PCSK2: variants seen among roughly 807,000 people sequenced by gnomAD.
PCSK2 encodes proprotein convertase subtilisin/kexin type 2.
In PCSK2, 14 loss-of-function variants were observed where a neutral mutation model predicts 69.7. That is an observed-to-expected ratio of 0.20 (90% CI 0.13 to 0.31). The LOEUF (loss-of-function observed/expected upper bound fraction) is 0.31. Ranked by LOEUF, PCSK2 falls within the 10% of genes least tolerant of loss-of-function variation. The pLI, the probability that PCSK2 is intolerant of heterozygous loss-of-function variation, is 1.00. For synonymous variants in PCSK2, 307 were observed against 320.7 expected (o/e 0.96, Z 0.46); for missense variants, 544 against 842.5 (o/e 0.65, Z 4.39).
chr20:17,240,598 A>G (rs1183645394), intron 1 of PCSK2, among the ~76,000 whole-genome samples: 3 of 152,202 alleles, frequency 2.0e-5, no homozygotes, highest in Non-Finnish European at 4.4e-5. Context: ...ATCATGTGCT[A>G]CACAGAGGAC....
chr20:17,400,367 G>T (rs73898503), intron 5 of PCSK2, among the ~76,000 whole-genome samples: 3,415 of 152,258 alleles, frequency 0.022, 136 homozygotes, highest in African/African-American at 0.078. Flanking sequence ...CTAAATCCCT[G>T]CTCTGCCCTT....
chr20:17,297,562 A>G (rs1023513481), intron 2 of PCSK2, among the ~76,000 whole-genome samples: 3 of 152,248 alleles, frequency 2.0e-5, no homozygotes, highest in African/African-American at 7.2e-5. Flanking sequence ...GGGGGTTGCC[A>G]TGGGTCTCTT....
intron 2 of PCSK2, among the ~76,000 whole-genome samples, chr20:17,342,807 T>C (rs1990544340): frequency 6.6e-6 from 1 of 151,956 alleles, no homozygotes; most frequent in Admixed American, 6.6e-5. Flanking sequence ...AATTGTTTTC[T>C]TTTTCTTTTC....
At chr20:17,245,383 GC>G (rs1282474875) in intron 1 of PCSK2, among the ~76,000 whole-genome samples, 3 of 152,186 alleles carry the variant, frequency 2.0e-5, no homozygotes, top group Admixed American at 6.5e-5. Flanking sequence ...GCCAAATGCA[GC>G]ATTCTTGTGG....
At chr20:17,439,823 G>T (rs1378244409) in intron 8 of PCSK2, among the ~76,000 whole-genome samples, 1 of 152,208 alleles carries the variant, frequency 6.6e-6, no homozygotes, top group African/African-American at 2.4e-5. Flanking sequence ...CTAACCCCCA[G>T]ACTTGCTTTG....
chr20:17,234,622 AC>A (rs1307300366), intron 1 of PCSK2, among the ~76,000 whole-genome samples: 3 of 152,216 alleles, frequency 2.0e-5, no homozygotes, highest in Non-Finnish European at 4.4e-5. Context: ...TGCAGTTACA[AC>A]CTGATCAAAA....
intron 6 of PCSK2, among the ~76,000 whole-genome samples, chr20:17,421,941 T>C (rs984813532): frequency 1.3e-5 from 2 of 151,904 alleles, no homozygotes; most frequent in African/African-American, 4.8e-5. Flanking sequence ...TATTAATTTG[T>C]ACTATATGAA....
At chr20:17,437,977 C>G (rs925344287) in intron 8 of PCSK2, among the ~76,000 whole-genome samples, 7 of 131,612 alleles carry the variant, frequency 5.3e-5, no homozygotes, top group Admixed American at 1.5e-4. Flanking sequence ...GGCTGCCAGG[C>G]CAGCAGTTCC....
At chr20:17,445,807 C>T (rs2032687293) in intron 8 of PCSK2, among the ~76,000 whole-genome samples, 1 of 152,274 alleles carries the variant, frequency 6.6e-6, no homozygotes, top group African/African-American at 2.4e-5. Flanking sequence ...AGCAGAACTG[C>T]TGCAGCGTGG....
intron 8 of PCSK2, among the ~76,000 whole-genome samples, chr20:17,448,323 A>G (rs1286171430): frequency 6.6e-6 from 1 of 152,000 alleles, no homozygotes; most frequent in Admixed American, 6.6e-5. Context: ...TGGGATTTCC[A>G]CCTCCTCAAA....
At chr20:17,250,306 G>A (rs1986926151) in intron 1 of PCSK2, among the ~76,000 whole-genome samples, 1 of 152,124 alleles carries the variant, frequency 6.6e-6, no homozygotes, top group South Asian at 2.1e-4. Flanking sequence ...TTATGAACAT[G>A]ATGACTTTAA....
chr20:17,268,033 GTATATATATATATATA>G (rs753655282), intron 2 of PCSK2, among the ~76,000 whole-genome samples: 10 of 66,340 alleles, frequency 1.5e-4, no homozygotes, highest in African/African-American at 3.6e-4. Context: ...TATCCAATGT[GTATATATATATATATA>G]TATATATATA....
intron 2 of PCSK2, among the ~76,000 whole-genome samples, chr20:17,338,566 C>A (rs1990424965): frequency 6.6e-6 from 1 of 152,118 alleles, no homozygotes; most frequent in Non-Finnish European, 1.5e-5. Flanking sequence ...CTGTCAGGAT[C>A]ATTTCAGGAG....
chr20:17,254,177 G>A (rs1015288828), intron 1 of PCSK2, among the ~76,000 whole-genome samples: 11 of 151,788 alleles, frequency 7.2e-5, no homozygotes, highest in East Asian at 5.8e-4. Context: ...CGTTTCCTTC[G>A]CTATTTCTTT....
chr20:17,313,884 A>T (rs966803169), intron 2 of PCSK2, among the ~76,000 whole-genome samples: 2 of 152,184 alleles, frequency 1.3e-5, no homozygotes, highest in African/African-American at 4.8e-5. Flanking sequence ...TGAGACACAA[A>T]TCGTGTGTAC....
intron 8 of PCSK2, among the ~76,000 whole-genome samples, chr20:17,442,165 G>C (rs1419758483): frequency 1.3e-5 from 2 of 151,796 alleles, no homozygotes; most frequent in Non-Finnish European, 2.9e-5. Flanking sequence ...AGCTGGGAAA[G>C]GAATGGGATA....
At chr20:17,421,105 G>A (rs2032116304) in intron 6 of PCSK2, among the ~76,000 whole-genome samples, 1 of 152,208 alleles carries the variant, frequency 6.6e-6, no homozygotes, top group Admixed American at 6.5e-5. Context: ...TCAGCTCAAG[G>A]TTAAACTCTC....
intron 2 of PCSK2, among the ~76,000 whole-genome samples, chr20:17,263,628 C>T (rs1221978181): frequency 6.6e-6 from 1 of 152,198 alleles, no homozygotes; most frequent in Non-Finnish European, 1.5e-5. Flanking sequence ...AATAAAAGTA[C>T]TATATAGTCT....
chr20:17,364,281 C>T (rs985291732), intron 4 of PCSK2, among the ~76,000 whole-genome samples: 9 of 152,224 alleles, frequency 5.9e-5, no homozygotes, highest in African/African-American at 2.2e-4. Flanking sequence ...ATTTAGAACT[C>T]TGCATCACAT....
Sources: allele counts gnomAD v4.1 joint callset (sites outside exome capture counted in the v4.1 genomes callset), GRCh38; gene constraint gnomAD v4.1.1; transcripts MANE v1.5; gene names NCBI Gene and HGNC (gene_info 2026-07-23, HGNC 2026-07-21).